KCNK12: variants seen among roughly 807,000 people sequenced by gnomAD.
KCNK12 encodes the protein potassium two pore domain channel subfamily K member 12.
In KCNK12, 6 loss-of-function variants were observed where a neutral mutation model predicts 25.3. The ratio of observed to expected loss-of-function variants is 0.24; its 90% CI spans 0.13 to 0.47. The LOEUF is 0.47. Ranked by LOEUF, KCNK12 falls within the 20% of genes least tolerant of loss-of-function variation. The pLI is 0.99. For synonymous variants in KCNK12, 331 were observed against 311.1 expected (o/e 1.06, Z -0.67); for missense variants, 444 against 661.7 (o/e 0.67, Z 3.61).
chr2:47,527,790 C>T (rs540641571), intron 1 of KCNK12: 7 of 152,438 alleles, frequency 4.6e-5, no homozygotes, highest in African/African-American at 1.7e-4. Flanking sequence ...GCAACCAACA[C>T]CAGACATGAA....
At chr2:47,541,910 C>T (rs1017595610) in intron 1 of KCNK12, among the ~76,000 whole-genome samples, 1 of 152,172 alleles carries the variant, frequency 6.6e-6, no homozygotes, top group Non-Finnish European at 1.5e-5. Context: ...CGGAAGGAGA[C>T]TGGGGCCGCC....
rs1354518139 is a variant in KCNK12, at chr2:47,517,030, T to A, written c.*3877A>T. On this transcript the variant is annotated 3_prime_UTR_variant, in exon 2 of 2. Coordinates refer to ENST00000327876, the MANE Select transcript of KCNK12 (RefSeq NM_022055.2). The surrounding 1 kb of genome is among the most constrained non-coding windows in gnomAD (Gnocchi z 4.1). Reference sequence around the variant, plus strand: ...TCACCACCAGCACATTATACAACAATACAAGAACCCTGCAACAGATAAAGC... The same window carrying A: ...TCACCACCAGCACATTATACAACAAAACAAGAACCCTGCAACAGATAAAGC... The A allele has an allele frequency of 6.8e-6, 1 of 147,690 alleles. No individual in the cohort carries two copies. Among genetic ancestry groups the A allele is most frequent in the Non-Finnish European group, 1.5e-5 (1 of 66,750 alleles). 9.1% of individuals were successfully genotyped at this position (147,690 alleles called of 1,614,324 possible).
At chr2:47,558,629 G>A (rs1268002758) in intron 1 of KCNK12, among the ~76,000 whole-genome samples, 1 of 152,202 alleles carries the variant, frequency 6.6e-6, no homozygotes, top group Non-Finnish European at 1.5e-5. Flanking sequence ...AGGCTCACAC[G>A]AGGCGCTCAG....
intron 1 of KCNK12, among the ~76,000 whole-genome samples, chr2:47,545,645 A>G (rs2104829496): frequency 6.6e-6 from 1 of 152,354 alleles, no homozygotes; most frequent in Non-Finnish European, 1.5e-5. Context: ...GATCTGAGAA[A>G]GCCATTGAGC....
At position 47,570,143 on chromosome 2, in the gene KCNK12, G is replaced by A. The variant is rs749453881; in HGVS notation, c.189C>T (p.Pro63=). 2 of 1,456,058 alleles carry A rather than the reference G, an allele frequency of 1.4e-6. No homozygotes were observed. The highest frequency in any genetic ancestry group is 1.5e-5 in the African/African-American group (1 of 67,928). 90.2% of individuals were successfully genotyped at this position (1,456,058 alleles called of 1,614,324 possible). ...GATVFSALES[P]GEAEARARWG... ...AGCGCGCCCGCGCCTCCGCCTCGCC[G>A]GGGCTCTCGAGCGCCGAGAAGACTG... The change falls in exon 1 of 2, where the codon CCC becomes CCT. Residue 63 remains proline (P), a synonymous_variant. Transcript: ENST00000327876.
At position 47,556,955 on chromosome 2, in the gene KCNK12, G is replaced by T. The variant is rs966105994; in HGVS notation, c.391+12986C>A. Among the ~76,000 whole-genome samples, 4 of 152,192 alleles carry T rather than the reference G, an allele frequency of 2.6e-5. No homozygotes were observed. The highest frequency in any genetic ancestry group is 9.7e-5 in the African/African-American group (4 of 41,436). On this transcript the variant is annotated intron_variant, in intron 1 of 1. Transcript: ENST00000327876. The surrounding 1 kb of genome is among the most constrained non-coding windows in gnomAD (Gnocchi z 4.8). ...AGATAGAACCAAATGACCTGCTGGG[G>T]TGGGATGGAAAGAAATATGGTTATA...
chr2:47,535,880 T>G (rs7580217), intron 1 of KCNK12, among the ~76,000 whole-genome samples: 1 of 151,990 alleles, frequency 6.6e-6, no homozygotes, highest in Non-Finnish European at 1.5e-5. Context: ...CCCTGTGCGA[T>G]AGAAGGAGAT....
rs1167564308 is a variant in KCNK12, at chr2:47,570,231, T to C, written c.101A>G (p.Glu34Gly). 6.8e-7 allele frequency: 1 copy of C among 1,474,970 alleles called. No homozygotes were observed. Among genetic ancestry groups the C allele is most frequent in the Non-Finnish European group, 9.0e-7 (1 of 1,114,576 alleles). 91.4% of individuals were successfully genotyped at this position (1,474,970 alleles called of 1,614,324 possible). Residue 34 changes from glutamate (E) to glycine (G), a missense_variant, in exon 1 of 2, where the codon GAG becomes GGG. By Grantham distance (98) the Glu-to-Gly change is moderately conservative. Around this residue, in one of 8 missense-constraint regions of KCNK12, gnomAD observed 67 missense variants for 59.2 expected, o/e 1.13. Coordinates refer to ENST00000327876, the MANE Select transcript of KCNK12 (RefSeq NM_022055.2). ...CAGCAGCACGAAGCGGCCGGTGTCC[T>C]CGTTGAGGTGCGAACGGCGGCAGCA... ...CCCCRRSHLN[E>G]DTGRFVLLAA... is the part of the protein sequence containing the mutation.
chr2:47,522,856 T>A (rs1668688654), intron 1 of KCNK12, among the ~76,000 whole-genome samples: 1 of 152,204 alleles, frequency 6.6e-6, no homozygotes, highest in South Asian at 2.1e-4. Context: ...ACTTTTCTGT[T>A]CAAAGGGCAG....
rs1668978749 is a variant in KCNK12, at chr2:47,533,366, A to G, written c.392-11558T>C. Among the ~76,000 whole-genome samples, 1 of 152,112 alleles carries G rather than the reference A, an allele frequency of 6.6e-6. No homozygotes were observed. The highest frequency in any genetic ancestry group is 2.4e-5 in the African/African-American group (1 of 41,418). On this transcript the variant is annotated intron_variant, in intron 1 of 1. Coordinates refer to ENST00000327876, the MANE Select transcript of KCNK12 (RefSeq NM_022055.2). This position sits in a 1 kb window ranked among gnomAD's most constrained non-coding sequence, Gnocchi z 4.7. ...GATTAAATGAGGATGTAGTTCCCAC[A>G]TGCATCCCACAGTGCCCGGGACATA... is the stretch of plus-strand genomic sequence containing the variant.
chr2:47,510,883 C>T lies in KCNK12; in HGVS notation c.*10024G>A, dbSNP rs530328097. 1.1e-4 allele frequency: 17 copies of T among 152,310 alleles called. No homozygotes were observed. The highest frequency in any genetic ancestry group is 8.5e-4 in the Admixed American group (13 of 15,300). 9.4% of individuals were successfully genotyped at this position (152,310 alleles called of 1,614,324 possible). On this transcript the variant is annotated 3_prime_UTR_variant, in exon 2 of 2. Coordinates refer to ENST00000327876, the MANE Select transcript of KCNK12 (RefSeq NM_022055.2). ...TACAGCTGGGTGAAGCACAGAGCAG[C>T]CTAGTGCTTGGCATGGGACTCAGAT...
At chr2:47,523,090 A>T (rs539438541) in intron 1 of KCNK12, among the ~76,000 whole-genome samples, 1 of 152,310 alleles carries the variant, frequency 6.6e-6, no homozygotes, top group East Asian at 1.9e-4. Context: ...GTTGACTACG[A>T]GTTTTTCTCC....
intron 1 of KCNK12, among the ~76,000 whole-genome samples, chr2:47,554,390 G>A: frequency 6.6e-6 from 1 of 152,196 alleles, no homozygotes; most frequent in East Asian, 1.9e-4. Context: ...TAATCAGGGG[G>A]ACCAGGGAAG....
At position 47,533,177 on chromosome 2, in the gene KCNK12, A is replaced by C. The variant is rs1349310266; in HGVS notation, c.392-11369T>G. Among the ~76,000 whole-genome samples, 1 of 150,798 alleles carries C rather than the reference A, an allele frequency of 6.6e-6. No homozygotes were observed. The highest frequency in any genetic ancestry group is 2.5e-5 in the African/African-American group (1 of 40,762). ...AGGTGCGTGCCACCACATCTGGCTA[A>C]TTTTTGTATTTTTAGTAGAGACGGG... On this transcript the variant is annotated intron_variant, in intron 1 of 1. Transcript: ENST00000327876. This position sits in a 1 kb window ranked among gnomAD's most constrained non-coding sequence, Gnocchi z 4.7.
intron 1 of KCNK12, among the ~76,000 whole-genome samples, chr2:47,531,852 C>A (rs970891488): frequency 6.6e-6 from 1 of 152,164 alleles, no homozygotes; most frequent in African/African-American, 2.4e-5. Flanking sequence ...GTGGGCCAAG[C>A]TGTCACTTCA....
chr2:47,570,560 C>A lies in KCNK12; in HGVS notation c.-229G>T. 2 of 329,952 alleles carry A rather than the reference C, an allele frequency of 6.1e-6. No individual in the cohort carries two copies. Among genetic ancestry groups the A allele is most frequent in the East Asian group, 1.1e-4 (2 of 18,704 alleles). 20.4% of individuals were successfully genotyped at this position (329,952 alleles called of 1,614,324 possible). A position where few individuals can be genotyped will look rare whatever the true frequency, so the allele number is the denominator to read the frequency against. ...CGCGAGTCCCGTGGCCCAGCGGGTG[C>A]CCGGGCAGGGGCGCTCCTCTGCGCG... On this transcript the variant is annotated 5_prime_UTR_variant, in exon 1 of 2. Coordinates refer to ENST00000327876, the MANE Select transcript of KCNK12 (RefSeq NM_022055.2).
In KCNK12 at chr2:47,557,272, C is replaced by T. The variant is rs1048648261; in HGVS notation, c.391+12669G>A. 1.3e-5 allele frequency among the ~76,000 whole-genome samples: 2 copies of T among 152,072 alleles called. No individual in the cohort carries two copies. Among genetic ancestry groups the T allele is most frequent in the African/African-American group, 4.8e-5 (2 of 41,380 alleles). Reference sequence around the variant, plus strand: ...CATCACTGGAGTGGGTTGGTTATTGCGGGAGTGGGCTCCTGATAAAAGGAT... The same window carrying T: ...CATCACTGGAGTGGGTTGGTTATTGTGGGAGTGGGCTCCTGATAAAAGGAT... On this transcript the variant is annotated intron_variant, in intron 1 of 1. Coordinates refer to ENST00000327876, the MANE Select transcript of KCNK12 (RefSeq NM_022055.2). The surrounding 1 kb of genome is among the most constrained non-coding windows in gnomAD (Gnocchi z 4.9).
intron 1 of KCNK12, among the ~76,000 whole-genome samples, chr2:47,541,195 C>A (rs1436727182): frequency 2.6e-5 from 4 of 152,180 alleles, no homozygotes; most frequent in Non-Finnish European, 4.4e-5. Flanking sequence ...CTTCATCCCT[C>A]CCTCTTTCCC....
chr2:47,526,895 G>A (rs1423326521), intron 1 of KCNK12, among the ~76,000 whole-genome samples: 1 of 152,232 alleles, frequency 6.6e-6, no homozygotes, highest in Non-Finnish European at 1.5e-5. Context: ...GGTTCCACCT[G>A]GATTTTCTCT....
Sources: gnomAD v4.1 joint callset for allele counts (sites outside exome capture counted in the v4.1 genomes callset) on GRCh38, gnomAD v4.1.1 for gene constraint, gnomAD v4.1.1 regional missense constraint, Gnocchi (gnomAD v3.1) non-coding constraint, MANE v1.5 for transcripts, NCBI Gene and HGNC (gene_info 2026-07-23, HGNC 2026-07-21) for gene names.